Variants in ACYP2 observed in about 807,000 individuals in gnomAD.
ACYP2 encodes the protein acylphosphatase 2.
ACYP2 carries 12 observed loss-of-function variants against 11.2 expected under a neutral mutation model. That is an observed-to-expected ratio of 1.08 (90% confidence interval 0.69 to 1.74). The LOEUF (loss-of-function observed/expected upper bound fraction) is 1.74. ACYP2 is among the 40% of genes most tolerant of loss of function. The probability of loss-of-function intolerance (pLI) is 0.00; values close to 1 mark genes in which losing one functional copy is unlikely to be tolerated. For synonymous variants in ACYP2, 43 were observed against 32.2 expected (o/e 1.33, Z -1.13); for missense variants, 134 against 101.9 (o/e 1.31, Z -1.35).
chr2:54,273,468 T>C (rs1200715813), intron 6 of ACYP2, among the ~76,000 whole-genome samples: 2 of 152,112 alleles, frequency 1.3e-5, no homozygotes, highest in African/African-American at 4.8e-5. Context: ...TCTAAACTTT[T>C]TGTTTGTTTT....
At chr2:54,033,351 C>T (rs552206920) in intron 2 of ACYP2, among the ~76,000 whole-genome samples, 1 of 151,968 alleles carries the variant, frequency 6.6e-6, no homozygotes, top group African/African-American at 2.4e-5. Flanking sequence ...TTGTGTGCCA[C>T]CATGCCTAGC....
At chr2:53,992,906 A>G (rs1278484796) in intron 2 of ACYP2, among the ~76,000 whole-genome samples, 1 of 151,314 alleles carries the variant, frequency 6.6e-6, no homozygotes, top group East Asian at 2.0e-4. Flanking sequence ...TACGCATCAG[A>G]AAAAAGGTTT....
intron 4 of ACYP2, among the ~76,000 whole-genome samples, chr2:54,104,086 T>G (rs1258806025): frequency 6.6e-6 from 1 of 152,246 alleles, no homozygotes; most frequent in Admixed American, 6.5e-5. Flanking sequence ...CTGCCTCTAT[T>G]GGCGGTAGAG....
At chr2:53,981,790 G>C (rs552931392) in intron 2 of ACYP2, among the ~76,000 whole-genome samples, 1 of 152,178 alleles carries the variant, frequency 6.6e-6, no homozygotes, top group African/African-American at 2.4e-5. Context: ...GTGTATAATA[G>C]GACACATAAT....
chr2:54,106,141 A>G (rs1050777181), intron 4 of ACYP2, among the ~76,000 whole-genome samples: 15 of 152,262 alleles, frequency 9.9e-5, no homozygotes, highest in African/African-American at 3.6e-4. Context: ...GAAATCACAT[A>G]TAGTCAATCA....
chr2:54,088,541 G>A (rs920781248), intron 4 of ACYP2, among the ~76,000 whole-genome samples: 5 of 152,180 alleles, frequency 3.3e-5, no homozygotes, highest in Admixed American at 3.3e-4. Flanking sequence ...CTGGCAAACT[G>A]AGCCTGGGGT....
intron 6 of ACYP2, among the ~76,000 whole-genome samples, chr2:54,156,767 G>A (rs1387811487): frequency 6.6e-6 from 1 of 152,108 alleles, no homozygotes; most frequent in Non-Finnish European, 1.5e-5. Context: ...CCGGGTTCAA[G>A]CAATTCTTCC....
chr2:54,074,598 G>C (rs1300201581), intron 4 of ACYP2, among the ~76,000 whole-genome samples: 1 of 151,628 alleles, frequency 6.6e-6, no homozygotes, highest in Non-Finnish European at 1.5e-5. Context: ...GTGTGTGTGT[G>C]TGTGTGTGTG....
chr2:54,078,799 T>C (rs1213406693), intron 4 of ACYP2, among the ~76,000 whole-genome samples: 4 of 151,916 alleles, frequency 2.6e-5, no homozygotes, highest in Non-Finnish European at 5.9e-5. Context: ...AGTTTCACCA[T>C]GTTGGCCAGG....
chr2:54,284,291 A>G (rs1191351642), intron 6 of ACYP2, among the ~76,000 whole-genome samples: 1 of 152,214 alleles, frequency 6.6e-6, no homozygotes. Flanking sequence ...ACTTTCTCCC[A>G]TGGAGCCTGG....
At chr2:54,285,466 A>G (rs1689041878) in intron 6 of ACYP2, among the ~76,000 whole-genome samples, 1 of 152,204 alleles carries the variant, frequency 6.6e-6, no homozygotes, top group African/African-American at 2.4e-5. Flanking sequence ...TTCCCAATTT[A>G]TAATTCCAGT....
intron 6 of ACYP2, among the ~76,000 whole-genome samples, chr2:54,218,523 T>C (rs1286105882): frequency 6.6e-6 from 1 of 152,226 alleles, no homozygotes; most frequent in African/African-American, 2.4e-5. Context: ...TTGGTAATTA[T>C]TTTAAAATTT....
chr2:54,247,893 T>C (rs1344996399), intron 6 of ACYP2, among the ~76,000 whole-genome samples: 1 of 152,202 alleles, frequency 6.6e-6, no homozygotes, highest in African/African-American at 2.4e-5. Flanking sequence ...GAGTCTCACA[T>C]TCCTCAGCTG....
At chr2:54,093,251 T>C (rs1678331217) in intron 4 of ACYP2, among the ~76,000 whole-genome samples, 1 of 152,100 alleles carries the variant, frequency 6.6e-6, no homozygotes, top group Non-Finnish European at 1.5e-5. Flanking sequence ...TAAAAATCAA[T>C]ATGTAAAGGT....
Position 54,078,895 on chromosome 2 carries a change from G to T in ACYP2, c.277+21535G>T, listed in dbSNP as rs370643440. Among the ~76,000 whole-genome samples the T allele has an allele frequency of 6.6e-5, 10 of 152,234 alleles. No individual in the cohort carries two copies. The East Asian group carries it at 1.7e-3, about 26-fold the overall frequency. On this transcript the variant is annotated intron_variant, in intron 4 of 6. Transcript: ENST00000607452. ...CTACAGGCATGAGCCACCATGCCCG[G>T]CCTCAATAAGCTTTTTAACTTATGA...
intron 2 of ACYP2, among the ~76,000 whole-genome samples, chr2:54,020,011 C>T (rs552111555): frequency 3.1e-4 from 47 of 151,652 alleles, no homozygotes; most frequent in African/African-American, 6.3e-4. Flanking sequence ...GGTGCAATCT[C>T]GGCTCACTGC....
At chr2:54,019,047 T>C (rs773096495) in intron 2 of ACYP2, among the ~76,000 whole-genome samples, 1 of 149,756 alleles carries the variant, frequency 6.7e-6, no homozygotes, top group Non-Finnish European at 1.5e-5. Flanking sequence ...GCTTGGCCTA[T>C]TTTTTTATTA....
intron 4 of ACYP2, among the ~76,000 whole-genome samples, chr2:54,072,484 CTTTT>C (rs75035901): frequency 6.8e-6 from 1 of 146,890 alleles, no homozygotes; most frequent in Non-Finnish European, 1.5e-5. Flanking sequence ...TTCTTTCTTT[CTTTT>C]TTCTTTCTTT....
At chr2:54,197,773 G>A (rs1213453792) in intron 6 of ACYP2, among the ~76,000 whole-genome samples, 4 of 152,276 alleles carry the variant, frequency 2.6e-5, no homozygotes, top group East Asian at 3.9e-4. Context: ...GATGTGTGGT[G>A]GAGGATTTGG....
Sources: gnomAD v4.1 joint callset for allele counts (sites outside exome capture counted in the v4.1 genomes callset) on GRCh38, gnomAD v4.1.1 for gene constraint, MANE v1.5 for transcripts, NCBI Gene and HGNC (gene_info 2026-07-23, HGNC 2026-07-21) for gene names.